Variants in SYN2 observed in about 807,000 individuals in gnomAD.
SYN2 encodes synapsin-2.
Under a neutral mutation model 50.9 loss-of-function variants are expected in SYN2, and 19 were observed. The observed-to-expected ratio is 0.37, with a 90% CI of 0.26 to 0.55. The LOEUF is 0.55. Among genes scored for constraint, SYN2 ranks in the 20% least tolerant of loss-of-function variants. SYN2 has a pLI of 0.81. For missense variants in SYN2, 587 were observed against 576.4 expected (o/e 1.02, Z -0.19); for synonymous variants, 255 against 224.9 (o/e 1.13, Z -1.20).
intron 1 of SYN2, among the ~76,000 whole-genome samples, chr3:12,135,885 A>G (rs1696884799): frequency 6.6e-6 from 1 of 152,258 alleles, no homozygotes; most frequent in Admixed American, 6.5e-5. Context: ...TATGGATATA[A>G]TGATTATATT....
chr3:12,167,427 A>G (rs1697830457), intron 8 of SYN2, 119 bp downstream of exon 8: 7 of 1,028,784 alleles, frequency 6.8e-6, no homozygotes, highest in Non-Finnish European at 1.0e-5. Context: ...GACAGATAAA[A>G]CACAAAAGGC....
At chr3:12,139,562 G>A (rs958341643) in intron 1 of SYN2, among the ~76,000 whole-genome samples, 14 of 152,122 alleles carry the variant, frequency 9.2e-5, no homozygotes, top group Non-Finnish European at 2.1e-4. Context: ...CCTTGTCTCT[G>A]AAATGAAGCC....
At chr3:12,051,603 T>C (rs1694866870) in intron 1 of SYN2, among the ~76,000 whole-genome samples, 1 of 152,238 alleles carries the variant, frequency 6.6e-6, no homozygotes, top group African/African-American at 2.4e-5. Context: ...CTTCATTTTA[T>C]GATTTTCTTT....
chr3:12,144,557 G>A (rs763244537), intron 3 of SYN2, among the ~76,000 whole-genome samples: 46 of 152,164 alleles, frequency 3.0e-4, no homozygotes, highest in Non-Finnish European at 2.9e-4. Flanking sequence ...GGAGCTTCAG[G>A]CTCTTATACA....
In SYN2 at chr3:12,075,800, G is replaced by A. The variant is rs59586685; in HGVS notation, c.378-64851G>A. ...TGCTTTTTAAAAATTGTTCAGTAAA[G>A]CAAGTGTGATACCTATTTGCAACAC... On this transcript the variant is annotated intron_variant, in intron 1 of 12. Transcript: ENST00000621198. Among the ~76,000 whole-genome samples, 1,044 of 152,178 alleles carry A rather than the reference G, an allele frequency of 6.9e-3. 9 individuals are homozygous for A. The highest frequency in any genetic ancestry group is 0.024 in the African/African-American group (989 of 41,538).
intron 1 of SYN2, among the ~76,000 whole-genome samples, chr3:12,135,692 T>C (rs563559373): frequency 6.6e-6 from 1 of 152,130 alleles, no homozygotes; most frequent in African/African-American, 2.4e-5. Context: ...AACTTGACCC[T>C]CAGGATTGAC....
intron 1 of SYN2, among the ~76,000 whole-genome samples, chr3:12,114,658 C>A (rs1696390993): frequency 6.6e-6 from 1 of 151,834 alleles, no homozygotes; most frequent in African/African-American, 2.4e-5. Flanking sequence ...CTGTAAAATC[C>A]CTTCAACTCT....
chr3:12,112,898 G>A (rs1035632141), intron 1 of SYN2, among the ~76,000 whole-genome samples: 3 of 152,168 alleles, frequency 2.0e-5, no homozygotes, highest in African/African-American at 7.2e-5. Context: ...TAAATTCTAT[G>A]ATAGTCCAGA....
At chr3:12,115,972 G>A (rs1214460496) in intron 1 of SYN2, among the ~76,000 whole-genome samples, 2 of 152,148 alleles carry the variant, frequency 1.3e-5, no homozygotes, top group African/African-American at 4.8e-5. Context: ...TTAGGTAAGT[G>A]CCTATCCTTT....
At position 12,141,704 on chromosome 3, in the gene SYN2, A is replaced by G. The variant is rs538384022; in HGVS notation, c.436-201A>G. On this transcript the variant is annotated intron_variant, in intron 2 of 12. Transcript: ENST00000621198. ...AGTTACTTAACTGCTCTGAGCCTCA[A>G]TTTCCTCCTTTGGTAAATGGGGATA... 4.6e-5 allele frequency among the ~76,000 whole-genome samples: 7 copies of G among 152,296 alleles called. 1 individual carries two copies. The highest frequency in any genetic ancestry group is 1.7e-4 in the African/African-American group (7 of 41,568).
At chr3:12,177,795 G>C (rs1040801774) in intron 10 of SYN2, among the ~76,000 whole-genome samples, 4 of 152,196 alleles carry the variant, frequency 2.6e-5, no homozygotes, top group Admixed American at 2.0e-4. Context: ...ATTTGAAGCT[G>C]ACATTCTGAC....
chr3:12,134,865 TG>T (rs1247416341), intron 1 of SYN2, among the ~76,000 whole-genome samples: 5 of 152,318 alleles, frequency 3.3e-5, no homozygotes, highest in African/African-American at 9.6e-5. Context: ...GTGACCCCCA[TG>T]TAGATATTGG....
chr3:12,072,670 G>A (rs1183804040), intron 1 of SYN2, among the ~76,000 whole-genome samples: 1 of 152,126 alleles, frequency 6.6e-6, no homozygotes, highest in Non-Finnish European at 1.5e-5. Context: ...TCCTATTTAT[G>A]TTTTTAGCTT....
chr3:12,048,780 A>G lies in SYN2; in HGVS notation c.377+43852A>G, dbSNP rs1301064774. Among the ~76,000 whole-genome samples, 5 of 152,220 alleles carry G rather than the reference A, an allele frequency of 3.3e-5. No individual in the cohort carries two copies. The East Asian group carries it at 7.7e-4, about 23-fold the overall frequency. On this transcript the variant is annotated intron_variant, in intron 1 of 12. Transcript: ENST00000621198. ...TGAATTGAGGCACAGGAAAGATAAT[A>G]TGCCCAAGTCATGCAGCAGTAAATG...
intron 1 of SYN2, among the ~76,000 whole-genome samples, chr3:12,065,618 A>G (rs1354832683): frequency 1.3e-5 from 2 of 152,284 alleles, no homozygotes; most frequent in East Asian, 3.9e-4. Flanking sequence ...CAAATACTGC[A>G]TGTTCTCACT....
chr3:12,183,591 T>C (rs1056543867), intron 11 of SYN2: 23 of 1,481,242 alleles, frequency 1.6e-5, no homozygotes, highest in Non-Finnish European at 1.9e-5. Flanking sequence ...CAGTGTCAGC[T>C]CCTCTGTCTG....
chr3:12,158,849 A>G, intron 5 of SYN2: 1 of 1,565,110 alleles, frequency 6.4e-7, no homozygotes. Context: ...ATGACACTGC[A>G]GATCCGCGAC....
chr3:12,068,810 G>T (rs1695278549), intron 1 of SYN2, among the ~76,000 whole-genome samples: 1 of 151,892 alleles, frequency 6.6e-6, no homozygotes, highest in Non-Finnish European at 1.5e-5. Context: ...GCAATCCAAT[G>T]GTTTTTAGTA....
In SYN2 at chr3:12,088,080, C is replaced by T. The variant is rs140168043; in HGVS notation, c.378-52571C>T. On this transcript the variant is annotated intron_variant, in intron 1 of 12. Transcript: ENST00000621198. ...AAATACACAATGAGATTGAATCTAACGAAAAAGCTACTGCACAGCAAAGAA... is the reference window on the plus strand; with the variant it reads ...AAATACACAATGAGATTGAATCTAATGAAAAAGCTACTGCACAGCAAAGAA... Among the ~76,000 whole-genome samples, 1,068 of 152,134 alleles carry T rather than the reference C, an allele frequency of 7.0e-3. 10 individuals carry two copies. Among genetic ancestry groups the T allele is most frequent in the African/African-American group, 0.025 (1,019 of 41,504 alleles).
Sources: allele counts gnomAD v4.1 joint callset (sites outside exome capture counted in the v4.1 genomes callset), GRCh38; gene constraint gnomAD v4.1.1; transcripts MANE v1.5; gene names NCBI Gene and HGNC (gene_info 2026-07-23, HGNC 2026-07-21).